Variants in CTNNBL1 observed in about 807,000 individuals in gnomAD.
CTNNBL1 encodes catenin beta like 1, also known as beta-catenin-like protein 1.
CTNNBL1 carries 31 observed loss-of-function variants against 72.7 expected under a neutral mutation model. The ratio of observed to expected loss-of-function variants is 0.43; its 90% CI spans 0.32 to 0.58. The LOEUF (loss-of-function observed/expected upper bound fraction) is 0.58, where lower values mean the gene tolerates loss of function less well. Among genes scored for constraint, CTNNBL1 ranks in the 20% least tolerant of loss-of-function variants. The probability of loss-of-function intolerance (pLI) is 0.08; values close to 1 mark genes in which losing one functional copy is unlikely to be tolerated. For missense variants in CTNNBL1, 534 were observed against 725.1 expected (o/e 0.74, Z 3.03); for synonymous variants, 240 against 267.3 (o/e 0.90, Z 1.00).
At chr20:37,700,729 C>T (rs2072833596) in intron 1 of CTNNBL1, among the ~76,000 whole-genome samples, 1 of 152,142 alleles carries the variant, frequency 6.6e-6, no homozygotes, top group South Asian at 2.1e-4. Context: ...AAATCTGATT[C>T]CACAGATGTC....
chr20:37,711,877 G>C (rs935418519), intron 1 of CTNNBL1, among the ~76,000 whole-genome samples: 1 of 152,142 alleles, frequency 6.6e-6, no homozygotes, highest in Admixed American at 6.5e-5. Context: ...TAAGGACAGA[G>C]GGGTCAGCTT....
chr20:37,718,465 A>T (rs2073011332), intron 1 of CTNNBL1, among the ~76,000 whole-genome samples: 2 of 123,712 alleles, frequency 1.6e-5, no homozygotes, highest in Non-Finnish European at 1.7e-5. Context: ...CGGGGGGCTG[A>T]CCCCCCCACC....
chr20:37,710,823 A>G (rs1318103982), intron 1 of CTNNBL1, among the ~76,000 whole-genome samples: 1 of 152,002 alleles, frequency 6.6e-6, no homozygotes, highest in Non-Finnish European at 1.5e-5. Flanking sequence ...AATTATATCG[A>G]TCACCTGAGA....
intron 15 of CTNNBL1, among the ~76,000 whole-genome samples, chr20:37,867,351 A>T (rs540195517): frequency 1.1e-4 from 16 of 152,134 alleles, no homozygotes; most frequent in African/African-American, 3.9e-4. Flanking sequence ...GCTTGTGAAT[A>T]CTCATCCAGG....
chr20:37,743,720 A>G (rs1257931809), intron 3 of CTNNBL1, among the ~76,000 whole-genome samples: 3 of 152,206 alleles, frequency 2.0e-5, no homozygotes, highest in Non-Finnish European at 4.4e-5. Flanking sequence ...ATTTCTTTAA[A>G]TCTCTGGGGA....
At chr20:37,748,678 C>A (rs909350521) in intron 4 of CTNNBL1, among the ~76,000 whole-genome samples, 2 of 152,130 alleles carry the variant, frequency 1.3e-5, no homozygotes, top group Non-Finnish European at 1.5e-5. Flanking sequence ...AGTTCAAGAC[C>A]AAGGCACCAG....
At chr20:37,831,358 T>C (rs6096438) in intron 11 of CTNNBL1, among the ~76,000 whole-genome samples, 577 of 56,050 alleles carry the variant, frequency 0.01, 2 homozygotes, top group African/African-American at 0.037. Context: ...TCTTTTTTCT[T>C]TTTCTTTTCT....
chr20:37,857,215 G>A (rs886870809), intron 13 of CTNNBL1, among the ~76,000 whole-genome samples: 6 of 152,272 alleles, frequency 3.9e-5, no homozygotes, highest in African/African-American at 1.2e-4. Context: ...TTTTAAACTC[G>A]TTGGACATGA....
chr20:37,731,827 A>G (rs1473365136), intron 1 of CTNNBL1, among the ~76,000 whole-genome samples: 1 of 152,202 alleles, frequency 6.6e-6, no homozygotes, highest in Non-Finnish European at 1.5e-5. Context: ...AGTGACGGAC[A>G]CATAGGTTGC....
chr20:37,789,081 G>C (rs1316822074), intron 10 of CTNNBL1, among the ~76,000 whole-genome samples: 1 of 152,106 alleles, frequency 6.6e-6, no homozygotes, highest in Non-Finnish European at 1.5e-5. Flanking sequence ...GAAAGCAGCG[G>C]GTAGCCATCC....
rs55721273 is a variant in CTNNBL1, at chr20:37,714,981, C to T, written c.31-17898C>T. 6.0e-4 allele frequency among the ~76,000 whole-genome samples: 92 copies of T among 152,198 alleles called. 2 individuals are homozygous for T. The East Asian group carries it at 0.011, about 19-fold the overall frequency. ...CTACCAAAGTCCATACTCTTTTCACCGCACCTCACCCCCCCGTTCACGTGA... is the reference window on the plus strand; with the variant it reads ...CTACCAAAGTCCATACTCTTTTCACTGCACCTCACCCCCCCGTTCACGTGA... On this transcript the variant is annotated intron_variant, in intron 1 of 15. Transcript: ENST00000361383.
chr20:37,870,877 C>T (rs1253648028), intron 15 of CTNNBL1, among the ~76,000 whole-genome samples: 1 of 152,202 alleles, frequency 6.6e-6, no homozygotes, highest in Non-Finnish European at 1.5e-5. Context: ...CCCCTTAGAT[C>T]CTCTGCCCTG....
chr20:37,809,183 A>G lies in CTNNBL1; in HGVS notation c.1213+6135A>G, dbSNP rs75840171. ...GAAGTAGGAAAATAGACATGGGGGA[A>G]AAAGCAATTTTATAGATATTTACCA... is the stretch of plus-strand genomic sequence containing the variant. On this transcript the variant is annotated intron_variant, in intron 11 of 15. Transcript: ENST00000361383. Among the ~76,000 whole-genome samples, 1,200 of 152,280 alleles carry G rather than the reference A, an allele frequency of 7.9e-3. 15 individuals carry two copies. Among genetic ancestry groups the G allele is most frequent in the African/African-American group, 0.027 (1,132 of 41,554 alleles).
chr20:37,752,650 G>T (rs1600464526), intron 4 of CTNNBL1, among the ~76,000 whole-genome samples: 1 of 151,660 alleles, frequency 6.6e-6, no homozygotes, highest in South Asian at 2.1e-4. Context: ...CTCTAAGTGG[G>T]ATATGGCTCC....
At chr20:37,720,189 G>A (rs939737114) in intron 1 of CTNNBL1, among the ~76,000 whole-genome samples, 51 of 152,062 alleles carry the variant, frequency 3.4e-4, no homozygotes, top group African/African-American at 1.0e-3. Context: ...CACCATGCCC[G>A]GCTAATTTTT....
chr20:37,748,660 G>GCT (rs2073289987), intron 4 of CTNNBL1, among the ~76,000 whole-genome samples: 1 of 152,182 alleles, frequency 6.6e-6, no homozygotes, highest in Non-Finnish European at 1.5e-5. Flanking sequence ...CAGTTCTGGA[G>GCT]ACTGGGAAGT....
At chr20:37,766,044 A>T (rs1317915559) in intron 6 of CTNNBL1, among the ~76,000 whole-genome samples, 7 of 152,042 alleles carry the variant, frequency 4.6e-5, no homozygotes, top group Non-Finnish European at 8.8e-5. Flanking sequence ...ATTTGATGAG[A>T]TTAGATTTTT....
At chr20:37,753,763 T>G (rs1363789382) in intron 4 of CTNNBL1, among the ~76,000 whole-genome samples, 1 of 152,222 alleles carries the variant, frequency 6.6e-6, no homozygotes, top group Non-Finnish European at 1.5e-5. Context: ...TTATTCCTTA[T>G]AGCTACTCAG....
chr20:37,864,171 G>T (rs980116943), intron 15 of CTNNBL1, among the ~76,000 whole-genome samples: 1 of 151,738 alleles, frequency 6.6e-6, no homozygotes, highest in African/African-American at 2.4e-5. Flanking sequence ...AGCCCATCTG[G>T]TTCTCCTTTT....
Sources: allele counts gnomAD v4.1 joint callset (sites outside exome capture counted in the v4.1 genomes callset), GRCh38; gene constraint gnomAD v4.1.1; transcripts MANE v1.5; gene names NCBI Gene and HGNC (gene_info 2026-07-23, HGNC 2026-07-21).